Variants in DLG2 observed in about 807,000 individuals in gnomAD.
The protein encoded by DLG2 is disks large homolog 2.
DLG2 carries 45 observed loss-of-function variants against 132.5 expected under a neutral mutation model. That is an observed-to-expected ratio of 0.34 (90% CI 0.27 to 0.44). The LOEUF is 0.44. Ranked by LOEUF, DLG2 falls within the 20% of genes least tolerant of loss-of-function variation. The pLI, the probability that DLG2 is intolerant of heterozygous loss-of-function variation, is 1.00. For synonymous variants in DLG2, 424 were observed against 419.6 expected, an observed-to-expected ratio of 1.01 and a Z score of -0.13; for missense variants, 1,045 against 1,196.9, an observed-to-expected ratio of 0.87 and a Z score of 1.87.
At chr11:84,135,194 T>G (rs1171058211) in intron 9 of DLG2, among the ~76,000 whole-genome samples, 1 of 152,236 alleles carries the variant, frequency 6.6e-6, no homozygotes, top group African/African-American at 2.4e-5. Flanking sequence ...AAATACTTAT[T>G]GACTGACAGA....
intron 7 of DLG2, among the ~76,000 whole-genome samples, chr11:84,444,394 T>C (rs75549080): frequency 0.012 from 1,822 of 152,268 alleles, 17 homozygotes; most frequent in African/African-American, 0.03. Flanking sequence ...TAAAATAAAA[T>C]ATTAAAATAA....
chr11:84,968,270 T>C (rs567269468), intron 6 of DLG2, among the ~76,000 whole-genome samples: 18 of 152,284 alleles, frequency 1.2e-4, no homozygotes, highest in Non-Finnish European at 2.4e-4. Context: ...TATTTTGTAA[T>C]AAATATTTGT....
At chr11:85,516,428 GA>G (rs1313764272) in intron 3 of DLG2, among the ~76,000 whole-genome samples, 1 of 151,736 alleles carries the variant, frequency 6.6e-6, no homozygotes, top group Non-Finnish European at 1.5e-5. Context: ...CTAGCAGAAG[GA>G]AAAAATTCAA....
chr11:84,994,672 T>G (rs920781921), intron 6 of DLG2, among the ~76,000 whole-genome samples: 1 of 152,172 alleles, frequency 6.6e-6, no homozygotes, highest in Admixed American at 6.5e-5. Context: ...GGGGGGAGAT[T>G]ATCACAGAGT....
intron 6 of DLG2, among the ~76,000 whole-genome samples, chr11:84,815,694 T>G (rs2077016603): frequency 6.6e-6 from 1 of 152,044 alleles, no homozygotes; most frequent in Admixed American, 6.6e-5. Context: ...AAGGTCAATT[T>G]GCCGAAAAAT....
At chr11:84,667,702 T>A (rs1185964794) in intron 6 of DLG2, among the ~76,000 whole-genome samples, 2 of 152,030 alleles carry the variant, frequency 1.3e-5, no homozygotes, top group Non-Finnish European at 2.9e-5. Context: ...TTTCACCATG[T>A]TGGCCAGGCT....
chr11:84,735,936 T>C (rs2063772357), intron 6 of DLG2, among the ~76,000 whole-genome samples: 1 of 152,038 alleles, frequency 6.6e-6, no homozygotes. Flanking sequence ...TATTTTTTCC[T>C]TTATGGTTCA....
intron 7 of DLG2, among the ~76,000 whole-genome samples, chr11:84,470,024 T>C (rs1258293373): frequency 6.6e-6 from 1 of 151,726 alleles, no homozygotes; most frequent in Non-Finnish European, 1.5e-5. Context: ...CTGTAGGCAA[T>C]TATAACACAA....
intron 2 of DLG2, among the ~76,000 whole-genome samples, chr11:85,602,724 T>C (rs991934315): frequency 1.3e-5 from 2 of 152,148 alleles, no homozygotes; most frequent in Non-Finnish European, 2.9e-5. Flanking sequence ...GGCCCACCTC[T>C]CTGACTTCAG....
At chr11:83,523,682 A>C (rs925680296) in intron 21 of DLG2, among the ~76,000 whole-genome samples, 2 of 152,206 alleles carry the variant, frequency 1.3e-5, no homozygotes, top group African/African-American at 4.8e-5. Context: ...AAATCTACAG[A>C]TGTTCAGAAT....
chr11:83,955,944 T>C (rs2086714960), intron 14 of DLG2, among the ~76,000 whole-genome samples: 1 of 152,212 alleles, frequency 6.6e-6, no homozygotes, highest in African/African-American at 2.4e-5. Context: ...ACTGGCTTCC[T>C]TGCCTCTCAG....
intron 14 of DLG2, among the ~76,000 whole-genome samples, chr11:83,960,176 T>C (rs1270068875): frequency 1.3e-5 from 2 of 152,006 alleles, no homozygotes; most frequent in South Asian, 2.1e-4. Flanking sequence ...GCCTACACAG[T>C]TTTCAAGTAC....
intron 4 of DLG2, among the ~76,000 whole-genome samples, chr11:85,191,342 T>A (rs2080555948): frequency 6.6e-6 from 1 of 151,838 alleles, no homozygotes. Flanking sequence ...CCACTTTTTT[T>A]AAGCAAAACT....
At chr11:85,521,870 C>T (rs1164224644) in intron 3 of DLG2, among the ~76,000 whole-genome samples, 1 of 151,948 alleles carries the variant, frequency 6.6e-6, no homozygotes, top group African/African-American at 2.4e-5. Flanking sequence ...GAACACATTT[C>T]TAAGTGGCAA....
chr11:84,781,990 C>T (rs189882403), intron 6 of DLG2, among the ~76,000 whole-genome samples: 1 of 152,150 alleles, frequency 6.6e-6, no homozygotes, highest in African/African-American at 2.4e-5. Flanking sequence ...GCCAAGTCAT[C>T]GATCTCTAGC....
intron 14 of DLG2, among the ~76,000 whole-genome samples, chr11:83,940,179 A>G (rs1054786118): frequency 1.3e-5 from 2 of 152,162 alleles, no homozygotes; most frequent in African/African-American, 4.8e-5. Context: ...GCACCTTTAC[A>G]TATATTGGTC....
At chr11:84,721,753 G>A (rs1035466548) in intron 6 of DLG2, among the ~76,000 whole-genome samples, 5 of 152,120 alleles carry the variant, frequency 3.3e-5, no homozygotes, top group Non-Finnish European at 7.4e-5. Context: ...ACAGATTCTG[G>A]CTCTGGTGCT....
chr11:84,798,003 C>T (rs1472225605), intron 6 of DLG2, among the ~76,000 whole-genome samples: 3 of 152,170 alleles, frequency 2.0e-5, no homozygotes, highest in Non-Finnish European at 4.4e-5. Flanking sequence ...TGCTCTCTTG[C>T]TCTCTTCATT....
intron 6 of DLG2, among the ~76,000 whole-genome samples, chr11:84,556,725 G>T (rs1243408806): frequency 1.3e-5 from 2 of 152,088 alleles, no homozygotes. Flanking sequence ...CAATTATTTT[G>T]TATTGTGATT....
Sources: allele counts gnomAD v4.1 joint callset (sites outside exome capture counted in the v4.1 genomes callset), GRCh38; gene constraint gnomAD v4.1.1; transcripts MANE v1.5; gene names NCBI Gene and HGNC (gene_info 2026-07-23, HGNC 2026-07-21).